Variants in WIPF1 observed in about 807,000 individuals in gnomAD.
WIPF1 encodes the protein WAS/WASL-interacting protein family member 1.
WIPF1 carries 13 observed loss-of-function variants against 35.4 expected under a neutral mutation model. The ratio of observed to expected loss-of-function variants is 0.37; its 90% CI spans 0.24 to 0.58. The LOEUF is 0.58. Among genes scored for constraint, WIPF1 ranks in the 20% least tolerant of loss-of-function variants. The probability of loss-of-function intolerance (pLI) is 0.74; values close to 1 mark genes in which losing one functional copy is unlikely to be tolerated. For missense variants in WIPF1, 591 were observed against 667.0 expected (o/e 0.89, Z 1.25); for synonymous variants, 267 against 266.3 (o/e 1.00, Z -0.02).
At chr2:174,621,663 G>A (rs1686679135) in intron 1 of WIPF1, among the ~76,000 whole-genome samples, 1 of 152,104 alleles carries the variant, frequency 6.6e-6, no homozygotes, top group Non-Finnish European at 1.5e-5. Flanking sequence ...TTAATTTTAA[G>A]AATATATTTT....
upstream of WIPF1, among the ~76,000 whole-genome samples, chr2:174,600,912 C>CTTTTTT (rs1157973597): frequency 1.4e-4 from 9 of 65,436 alleles, 1 homozygote; most frequent in East Asian, 2.3e-3. Context: ...CATAATGTTC[C>CTTTTTT]TTTTTTTTTT....
At chr2:174,673,963 T>C (rs1396433845) in intron 1 of WIPF1, 1 of 152,210 alleles carries the variant, frequency 6.6e-6, no homozygotes, top group African/African-American at 2.4e-5. Context: ...AAAGCATTAT[T>C]ATTCTGGGCT....
intron 1 of WIPF1, among the ~76,000 whole-genome samples, chr2:174,617,750 A>T (rs189318638): frequency 6.6e-6 from 1 of 152,316 alleles, no homozygotes; most frequent in East Asian, 1.9e-4. Flanking sequence ...CAGCCATAGT[A>T]AATTATTAGG....
In WIPF1 at chr2:174,667,241, T is replaced by A. The variant is rs562123317; in HGVS notation, c.-39+15533A>T. 2.0e-5 allele frequency among the ~76,000 whole-genome samples: 3 copies of A among 152,310 alleles called. No homozygotes were observed. The South Asian group carries it at 6.2e-4, about 32-fold the overall frequency. ...GAACAGTCTACCAAGTACGGCACCC[T>A]CTTCCTGGGACTGGTCGAGGTCTCT... On this transcript the variant is annotated intron_variant, in intron 1 of 8. Coordinates refer to the WIPF1 transcript ENST00000272746.
upstream of WIPF1, among the ~76,000 whole-genome samples, chr2:174,600,668 C>T (rs1209997792): frequency 6.6e-6 from 1 of 152,196 alleles, no homozygotes; most frequent in Non-Finnish European, 1.5e-5. Context: ...TTATGCATAG[C>T]ATGCGTCACC....
At chr2:174,581,783 G>C (rs908528109) in intron 2 of WIPF1, among the ~76,000 whole-genome samples, 1 of 152,112 alleles carries the variant, frequency 6.6e-6, no homozygotes, top group Non-Finnish European at 1.5e-5. Context: ...GATTCTGCAG[G>C]ACATTACCAG....
In WIPF1 at chr2:174,572,205, G is replaced by C. The variant is rs374598314; in HGVS notation, c.600C>G (p.Asn200Lys). Residue 200 changes from asparagine (N) to lysine (K), a missense_variant, in exon 5 of 8, where the codon AAC (asparagine) becomes AAG (lysine). Coordinates refer to ENST00000679041, the MANE Select transcript of WIPF1 (RefSeq NM_001375834.1). ...TPRPIQSSPH[N>K]RGSPPVPGGP... ...CTCCGGGCACTGGTGGGGACCCCCG[G>C]TTGTGCGGACTTGATTGAATGGGTC... 7.4e-6 allele frequency: 12 copies of C among 1,614,094 alleles called. No homozygotes were observed. Among genetic ancestry groups the C allele is most frequent in the Non-Finnish European group, 9.3e-6 (11 of 1,180,040 alleles).
At chr2:174,668,046 C>G (rs891536935) in intron 1 of WIPF1, among the ~76,000 whole-genome samples, 2 of 152,200 alleles carry the variant, frequency 1.3e-5, no homozygotes, top group African/African-American at 4.8e-5. Flanking sequence ...CCCAGCCCTA[C>G]GTCTTGTTAC....
At chr2:174,668,877 CT>C (rs1687948957) in intron 1 of WIPF1, among the ~76,000 whole-genome samples, 1 of 152,140 alleles carries the variant, frequency 6.6e-6, no homozygotes, top group Non-Finnish European at 1.5e-5. Flanking sequence ...GCAGGAGGGC[CT>C]CATAGTTCAG....
chr2:174,650,861 C>T (rs1200622391), intron 1 of WIPF1, among the ~76,000 whole-genome samples: 1 of 152,234 alleles, frequency 6.6e-6, no homozygotes, highest in Admixed American at 6.5e-5. Context: ...CACCACACAG[C>T]TTGGATGAGA....
chr2:174,593,110 A>G (rs1247537358), intron 1 of WIPF1, among the ~76,000 whole-genome samples: 1 of 151,996 alleles, frequency 6.6e-6, no homozygotes, highest in African/African-American at 2.4e-5. Flanking sequence ...CACTAAAGGA[A>G]GCACTGAATA....
chr2:174,621,755 C>T (rs1686683557), intron 1 of WIPF1, among the ~76,000 whole-genome samples: 1 of 152,076 alleles, frequency 6.6e-6, no homozygotes, highest in South Asian at 2.1e-4. Flanking sequence ...TCCTTTCATA[C>T]TAAGTATTTA....
At chr2:174,607,346 T>C (rs916515033) in intron 1 of WIPF1, among the ~76,000 whole-genome samples, 1 of 151,980 alleles carries the variant, frequency 6.6e-6, no homozygotes, top group Non-Finnish European at 1.5e-5. Context: ...GAGGTTGCAG[T>C]GAGCCGAGAT....
chr2:174,561,942 T>C lies in WIPF1; in HGVS notation c.*605A>G, dbSNP rs1684494869. 1.1e-6 allele frequency: 1 copy of C among 923,964 alleles called. No individual in the cohort carries two copies. Among genetic ancestry groups the C allele is most frequent in the Non-Finnish European group, 1.6e-6 (1 of 624,410 alleles). 57.2% of individuals were successfully genotyped at this position (923,964 alleles called of 1,614,324 possible). A position where few individuals can be genotyped will look rare whatever the true frequency, so the allele number is the denominator to read the frequency against. On this transcript the variant is annotated 3_prime_UTR_variant, in exon 8 of 8. Transcript: ENST00000679041. The stretch of plus-strand genomic sequence containing the variant: ...TTTATGTTGATTACAGGTTGAAATA[T>C]TTTGGATGCATATTAACTTCACTTG...
chr2:174,680,130 C>G (rs1688217850), intron 1 of WIPF1, among the ~76,000 whole-genome samples: 1 of 152,210 alleles, frequency 6.6e-6, no homozygotes. Flanking sequence ...TGCCTGCATA[C>G]CTGCTGTTTG....
rs1322084361 is a variant in WIPF1 at position 174,582,456 on chromosome 2, T to TGG, written c.52-1018_52-1017insCC. On this transcript the variant is annotated intron_variant, in intron 2 of 7. Transcript: ENST00000679041. Reference sequence around the variant, plus strand: ...TCCTTTCTAGGCTGGCCCCAGCCCTTCTGACAGGGATATGATTTCAGATTT... The same window carrying TGG: ...TCCTTTCTAGGCTGGCCCCAGCCCTTGGCTGACAGGGATATGATTTCAGATTT... Among the ~76,000 whole-genome samples, 12 of 152,320 alleles carry TGG rather than the reference T, an allele frequency of 7.9e-5. No homozygotes were observed. In the East Asian group the frequency reaches 1.5e-3, roughly 20 times the overall value.
At chr2:174,667,258 G>A (rs1183712382) in intron 1 of WIPF1, among the ~76,000 whole-genome samples, 1 of 152,188 alleles carries the variant, frequency 6.6e-6, no homozygotes, top group African/African-American at 2.4e-5. Context: ...GGGACTGGTC[G>A]AGGTCTCTGC....
rs751981976 is a variant in WIPF1 at position 174,568,009 on chromosome 2, G to C, written c.1194C>G (p.Thr398=). The C allele has an allele frequency of 1.2e-6, 2 of 1,613,870 alleles. No individual in the cohort carries two copies. The highest frequency in any genetic ancestry group is 2.7e-5 in the African/African-American group (2 of 74,906). ...CTCCACTCCTGGATGGCAACTGAGG[G>C]GTAGCAGGCAGGGCCCGAGATGTGC... ...NGSTSRALPA[T]PQLPSRSGVD... Residue 398 remains threonine (T), a synonymous_variant, in exon 6 of 8, where the codon ACC becomes ACG. Transcript: ENST00000679041.
chr2:174,670,922 C>T (rs1039910609), intron 1 of WIPF1, among the ~76,000 whole-genome samples: 2 of 152,238 alleles, frequency 1.3e-5, no homozygotes, highest in African/African-American at 4.8e-5. Flanking sequence ...TTAGCGACGA[C>T]CTCTGCCTTC....
Sources: gnomAD v4.1 joint callset for allele counts (sites outside exome capture counted in the v4.1 genomes callset) on GRCh38, gnomAD v4.1.1 for gene constraint, MANE v1.5 for transcripts, NCBI Gene and HGNC (gene_info 2026-07-23, HGNC 2026-07-21) for gene names.